The following VTI1A variants were observed in gnomAD, a reference collection of about 807,000 sequenced individuals.
VTI1A encodes vesicle transport through interaction with t-SNAREs 1A.
VTI1A carries 22 observed loss-of-function variants against 34.9 expected under a neutral mutation model. The observed-to-expected ratio is 0.63, with a 90% confidence interval of 0.45 to 0.90. The LOEUF (loss-of-function observed/expected upper bound fraction) is 0.90. VTI1A is among the 40% of genes least tolerant of loss of function. The probability of loss-of-function intolerance (pLI) is 0.00; values close to 1 mark genes in which losing one functional copy is unlikely to be tolerated. For synonymous variants in VTI1A, 87 were observed against 97.3 expected (o/e 0.89, Z 0.62); for missense variants, 268 against 275.6 (o/e 0.97, Z 0.20).
chr10:112,490,379 A>G (rs2134122428), intron 3 of VTI1A, among the ~76,000 whole-genome samples: 1 of 152,300 alleles, frequency 6.6e-6, no homozygotes, highest in East Asian at 1.9e-4. Flanking sequence ...TTTCTCTTGC[A>G]TTTGTAATAA....
At chr10:112,628,823 C>T (rs1267235039) in intron 5 of VTI1A, among the ~76,000 whole-genome samples, 1 of 151,458 alleles carries the variant, frequency 6.6e-6, no homozygotes, top group African/African-American at 2.4e-5. Context: ...ACCTTATCTC[C>T]CAGAGATAAC....
chr10:112,650,265 G>C (rs1239437564), intron 5 of VTI1A, among the ~76,000 whole-genome samples: 1 of 151,558 alleles, frequency 6.6e-6, no homozygotes, highest in East Asian at 1.9e-4. Context: ...TAAAAACTAA[G>C]ACACAAACAC....
chr10:112,452,593 T>C (rs1847279471), intron 1 of VTI1A, among the ~76,000 whole-genome samples: 1 of 151,940 alleles, frequency 6.6e-6, no homozygotes, highest in African/African-American at 2.4e-5. Flanking sequence ...ATTAAGCTTT[T>C]ATGGGGTTGT....
intron 5 of VTI1A, among the ~76,000 whole-genome samples, chr10:112,622,943 A>G (rs1039519209): frequency 2.0e-5 from 3 of 152,204 alleles, no homozygotes; most frequent in Non-Finnish European, 4.4e-5. Flanking sequence ...ACAATGTGCT[A>G]TATATCACTT....
chr10:112,447,256 C>G lies in VTI1A; in HGVS notation c.-118C>G. The stretch of plus-strand genomic sequence containing the variant: ...GCTGGGTTGAGAGCTGTCCCCGGTT[C>G]TCCGTTCTGCTCTCGGGGGCACCTT... On this transcript the variant is annotated 5_prime_UTR_variant, in exon 1 of 8. Transcript: ENST00000393077. The G allele has an allele frequency of 9.2e-7, 1 of 1,089,002 alleles. No homozygotes were observed. Among genetic ancestry groups the G allele is most frequent in the Non-Finnish European group, 1.3e-6 (1 of 757,952 alleles). 67.5% of individuals were successfully genotyped at this position (1,089,002 alleles called of 1,614,324 possible).
chr10:112,632,971 G>A (rs1333887199), intron 5 of VTI1A, among the ~76,000 whole-genome samples: 3 of 152,204 alleles, frequency 2.0e-5, no homozygotes, highest in Non-Finnish European at 2.9e-5. Flanking sequence ...TTATATTACA[G>A]CTAGGGCATT....
intron 1 of VTI1A, among the ~76,000 whole-genome samples, chr10:112,457,375 G>A (rs1018863065): frequency 1.3e-5 from 2 of 152,130 alleles, no homozygotes; most frequent in Non-Finnish European, 2.9e-5. Flanking sequence ...TATAGTGTAG[G>A]ACTATAAAGA....
At chr10:112,707,365 G>A (rs61228232) in intron 7 of VTI1A, among the ~76,000 whole-genome samples, 9,752 of 151,804 alleles carry the variant, frequency 0.064, 615 homozygotes, top group East Asian at 0.28. Context: ...ATGAAGTCTC[G>A]CTCTATCGCC....
chr10:112,606,244 C>T (rs186497457), intron 5 of VTI1A, among the ~76,000 whole-genome samples: 91 of 152,078 alleles, frequency 6.0e-4, no homozygotes, highest in African/African-American at 1.2e-3. Context: ...AGGCTGGCCT[C>T]GAACTCCTGA....
At position 112,712,380 on chromosome 10, in the gene VTI1A, C is replaced by T. The variant is rs373129316; in HGVS notation, c.560+43382C>T. ...AAAGCTGCCTGGAAATGCTCATCCTCCTAATGATTTGTTTCTCTGCTAGGC... is the reference window on the plus strand; with the variant it reads ...AAAGCTGCCTGGAAATGCTCATCCTTCTAATGATTTGTTTCTCTGCTAGGC... On this transcript the variant is annotated intron_variant, in intron 7 of 7. Transcript: ENST00000393077. Among the ~76,000 whole-genome samples, 4 of 152,086 alleles carry T rather than the reference C, an allele frequency of 2.6e-5. No individual in the cohort carries two copies. In the East Asian group the frequency reaches 5.8e-4, roughly 22 times the overall value.
intron 5 of VTI1A, among the ~76,000 whole-genome samples, chr10:112,600,997 G>A (rs1844853696): frequency 6.6e-6 from 1 of 152,204 alleles, no homozygotes; most frequent in Non-Finnish European, 1.5e-5. Flanking sequence ...TTCAATCGGT[G>A]TTGGACTGAC....
chr10:112,520,426 G>T (rs1406704812), intron 3 of VTI1A, among the ~76,000 whole-genome samples: 2 of 151,990 alleles, frequency 1.3e-5, no homozygotes, highest in African/African-American at 2.4e-5. Flanking sequence ...TTAAATTACA[G>T]GCTAAAGTTT....
At chr10:112,653,882 G>A (rs1013433320) in intron 5 of VTI1A, among the ~76,000 whole-genome samples, 6 of 152,082 alleles carry the variant, frequency 3.9e-5, no homozygotes, top group African/African-American at 1.4e-4. Flanking sequence ...ACTCTTAGGT[G>A]GAAGTTTGGT....
chr10:112,837,963 A>G, the VTI1A span, among the ~76,000 whole-genome samples: 3 of 152,188 alleles, frequency 2.0e-5, no homozygotes, highest in African/African-American at 7.2e-5. Flanking sequence ...ATTAATCCTT[A>G]AAAGGGCCCT....
rs1017670524 is a variant in VTI1A, at chr10:112,550,571, A to G, written c.427+12241A>G. Among the ~76,000 whole-genome samples the G allele has an allele frequency of 4.0e-4, 61 of 152,114 alleles. 1 individual carries two copies. Among genetic ancestry groups the G allele is most frequent in the Admixed American group, 2.0e-4 (3 of 15,276 alleles). ...TTCCTCTTGGGCTACAGTGTTTTCCAGCGTTGCCACAAGAGAACAAAGTAA... is the reference window on the plus strand; with the variant it reads ...TTCCTCTTGGGCTACAGTGTTTTCCGGCGTTGCCACAAGAGAACAAAGTAA... On this transcript the variant is annotated intron_variant, in intron 5 of 7. Coordinates refer to ENST00000393077, the MANE Select transcript of VTI1A (RefSeq NM_145206.4).
intron 3 of VTI1A, among the ~76,000 whole-genome samples, chr10:112,484,719 G>A (rs1301388502): frequency 6.6e-6 from 1 of 151,908 alleles, no homozygotes. Flanking sequence ...CATAGTAGCT[G>A]TTCAATAAGT....
At chr10:112,775,007 A>G (rs1228004472) in intron 7 of VTI1A, among the ~76,000 whole-genome samples, 1 of 152,176 alleles carries the variant, frequency 6.6e-6, no homozygotes, top group Non-Finnish European at 1.5e-5. Context: ...TGTCACCACC[A>G]GTCAATGGCT....
chr10:112,709,030 A>G (rs541437388), intron 7 of VTI1A, among the ~76,000 whole-genome samples: 221 of 151,986 alleles, frequency 1.5e-3, no homozygotes, highest in Non-Finnish European at 2.4e-3. Context: ...TCTATTGTCA[A>G]TTTTCTTAGG....
intron 3 of VTI1A, among the ~76,000 whole-genome samples, chr10:112,483,643 A>G (rs958169654): frequency 1.3e-5 from 2 of 152,086 alleles, no homozygotes; most frequent in African/African-American, 4.8e-5. Context: ...TACCCACTAA[A>G]TGCTAGCAGA....
Sources: allele counts gnomAD v4.1 joint callset (sites outside exome capture counted in the v4.1 genomes callset), GRCh38; gene constraint gnomAD v4.1.1; transcripts MANE v1.5; gene names NCBI Gene and HGNC (gene_info 2026-07-23, HGNC 2026-07-21).